Variants in CDH18 observed in about 807,000 individuals in gnomAD.
CDH18 encodes the protein cadherin 18.
CDH18 carries 31 observed loss-of-function variants against 67.9 expected under a neutral mutation model. The observed-to-expected ratio is 0.46, with a 90% confidence interval of 0.34 to 0.62. The LOEUF (loss-of-function observed/expected upper bound fraction) is 0.62. CDH18 is among the 20% of genes least tolerant of loss of function. The pLI, the probability that CDH18 is intolerant of heterozygous loss-of-function variation, is 0.01. For missense variants in CDH18, 890 were observed against 975.5 expected, an observed-to-expected ratio of 0.91 and a Z score of 1.17; for synonymous variants, 362 against 347.2, an observed-to-expected ratio of 1.04 and a Z score of -0.48.
At chr5:20,090,332 C>G (rs534354152) in intron 2 of CDH18, among the ~76,000 whole-genome samples, 16 of 152,146 alleles carry the variant, frequency 1.1e-4, no homozygotes, top group African/African-American at 3.4e-4. Flanking sequence ...TTTAGGAGTT[C>G]AAGACCAGCT....
At chr5:19,901,876 T>C (rs1319871492) in intron 2 of CDH18, among the ~76,000 whole-genome samples, 2 of 151,866 alleles carry the variant, frequency 1.3e-5, no homozygotes, top group Admixed American at 1.3e-4. Context: ...CAGCATCTCA[T>C]TCAATAACTA....
intron 4 of CDH18, among the ~76,000 whole-genome samples, chr5:19,729,342 T>C (rs143441967): frequency 1.9e-3 from 294 of 152,310 alleles, no homozygotes; most frequent in African/African-American, 6.6e-3. Flanking sequence ...GTTTTACCCA[T>C]AGAGAAGTTG....
intron 2 of CDH18, among the ~76,000 whole-genome samples, chr5:20,001,207 G>A (rs1736412062): frequency 6.6e-6 from 1 of 152,016 alleles, no homozygotes; most frequent in African/African-American, 2.4e-5. Context: ...CCATTTCCTT[G>A]CTTATTCAAT....
chr5:20,411,936 A>G (rs563415777), intron 1 of CDH18, among the ~76,000 whole-genome samples: 1 of 152,328 alleles, frequency 6.6e-6, no homozygotes, highest in South Asian at 2.1e-4. Context: ...AAGGATCAAT[A>G]TCATTAAAAT....
At chr5:19,747,904 C>T (rs533600426) in intron 3 of CDH18, among the ~76,000 whole-genome samples, 4 of 150,818 alleles carry the variant, frequency 2.7e-5, no homozygotes, top group East Asian at 2.0e-4. Context: ...GTCAGCAGAT[C>T]GAGACCATCC....
chr5:19,591,357 C>A (rs777541869), intron 6 of CDH18, 113 bp from the exon 7 acceptor site: 2 of 569,014 alleles, frequency 3.5e-6, no homozygotes, highest in Non-Finnish European at 5.4e-6. Flanking sequence ...TTAGGTAATG[C>A]ATCAAATGGA....
intron 1 of CDH18, among the ~76,000 whole-genome samples, chr5:20,349,273 T>A (rs531337316): frequency 1.3e-5 from 2 of 152,172 alleles, no homozygotes; most frequent in African/African-American, 2.4e-5. Context: ...GGAGATATAT[T>A]TTTTTTGTAT....
At chr5:20,512,094 G>A (rs1042934739) in intron 1 of CDH18, among the ~76,000 whole-genome samples, 1 of 151,914 alleles carries the variant, frequency 6.6e-6, no homozygotes, top group African/African-American at 2.4e-5. Flanking sequence ...GTGCTGGCAG[G>A]CGCATGTAAT....
chr5:20,566,977 C>T (rs1758549302), intron 1 of CDH18, among the ~76,000 whole-genome samples: 2 of 152,132 alleles, frequency 1.3e-5, no homozygotes, highest in Non-Finnish European at 2.9e-5. Flanking sequence ...GTATTGAAGG[C>T]CAAACGCCAT....
At chr5:20,261,829 A>G (rs1457761011) in intron 1 of CDH18, among the ~76,000 whole-genome samples, 1 of 152,182 alleles carries the variant, frequency 6.6e-6, no homozygotes, top group Non-Finnish European at 1.5e-5. Context: ...ACTGAATAGC[A>G]TTGGAAAATC....
At chr5:19,605,578 G>A (rs1165403914) in intron 6 of CDH18, among the ~76,000 whole-genome samples, 1 of 151,868 alleles carries the variant, frequency 6.6e-6, no homozygotes, top group Non-Finnish European at 1.5e-5. Flanking sequence ...TTCAAATCTG[G>A]ATATGATGGA....
intron 2 of CDH18, among the ~76,000 whole-genome samples, chr5:19,958,666 T>A (rs1796504192): frequency 6.6e-6 from 1 of 152,068 alleles, no homozygotes; most frequent in South Asian, 2.1e-4. Flanking sequence ...CCTGTTAGTG[T>A]CAGCCTGGGA....
chr5:19,526,285 A>C (rs939760826), intron 9 of CDH18, among the ~76,000 whole-genome samples: 16 of 152,172 alleles, frequency 1.1e-4, no homozygotes, highest in Non-Finnish European at 2.1e-4. Context: ...AGCACCAACT[A>C]TGCTATATAA....
At chr5:19,925,932 T>C (rs1317851108) in intron 2 of CDH18, among the ~76,000 whole-genome samples, 5 of 152,240 alleles carry the variant, frequency 3.3e-5, no homozygotes, top group African/African-American at 7.2e-5. Context: ...GGTCTATGTG[T>C]GCATAAGTTT....
intron 1 of CDH18, among the ~76,000 whole-genome samples, chr5:20,469,794 A>G (rs1044973901): frequency 6.6e-6 from 1 of 152,066 alleles, no homozygotes; most frequent in African/African-American, 2.4e-5. Flanking sequence ...TGCATCCTTT[A>G]CTGACCTCCA....
At chr5:20,319,116 C>T (rs1737744571) in intron 1 of CDH18, among the ~76,000 whole-genome samples, 1 of 152,168 alleles carries the variant, frequency 6.6e-6, no homozygotes, top group Non-Finnish European at 1.5e-5. Flanking sequence ...TTTCTGACTT[C>T]TAACCACCAT....
At chr5:19,732,958 C>A (rs1356685497) in intron 4 of CDH18, among the ~76,000 whole-genome samples, 1 of 152,190 alleles carries the variant, frequency 6.6e-6, no homozygotes, top group Non-Finnish European at 1.5e-5. Context: ...CAGGAACCCT[C>A]AGATAGGCCT....
chr5:20,501,594 TTATATATA>T (rs370110007), intron 1 of CDH18, among the ~76,000 whole-genome samples: 1 of 35,298 alleles, frequency 2.8e-5, no homozygotes, highest in African/African-American at 1.1e-4. Flanking sequence ...TATATATATA[TTATATATA>T]TATATATATA....
intron 9 of CDH18, among the ~76,000 whole-genome samples, chr5:19,527,474 TA>T (rs1747917917): frequency 6.6e-6 from 1 of 151,608 alleles, no homozygotes; most frequent in Non-Finnish European, 1.5e-5. Context: ...AAAAATCAAA[TA>T]TTGTATTCAA....
Sources: allele counts gnomAD v4.1 joint callset (sites outside exome capture counted in the v4.1 genomes callset), GRCh38; gene constraint gnomAD v4.1.1; transcripts MANE v1.5; gene names NCBI Gene and HGNC (gene_info 2026-07-23, HGNC 2026-07-21).